SLC25A48: variants seen among roughly 807,000 people sequenced by gnomAD.
The protein encoded by SLC25A48 is solute carrier family 25 member 48, also known as CTC-321K16.1.
In SLC25A48, 29 loss-of-function variants were observed where a neutral mutation model predicts 32.2. The observed-to-expected ratio is 0.90, with a 90% CI of 0.67 to 1.23. The LOEUF (loss-of-function observed/expected upper bound fraction) is 1.23, where lower values mean the gene tolerates loss of function less well. Ranked by LOEUF, SLC25A48 falls within the 50% of genes most tolerant of loss-of-function variation. SLC25A48 has a pLI of 0.00. For synonymous variants in SLC25A48, 164 were observed against 172.3 expected, an observed-to-expected ratio of 0.95 and a Z score of 0.38; for missense variants, 399 against 422.7, an observed-to-expected ratio of 0.94 and a Z score of 0.49.
At chr5:135,787,789 G>A (rs1756886480) in intron 3 of SLC25A48, among the ~76,000 whole-genome samples, 1 of 151,434 alleles carries the variant, frequency 6.6e-6, no homozygotes, top group African/African-American at 2.4e-5. Flanking sequence ...TATCCTAGGG[G>A]GATATTACTC....
intron 3 of SLC25A48, among the ~76,000 whole-genome samples, chr5:135,706,028 C>A (rs114065100): frequency 1.3e-5 from 2 of 152,202 alleles, no homozygotes; most frequent in Admixed American, 1.3e-4. Flanking sequence ...TGTCTCTTCC[C>A]GGCTGCCCTT....
intron 3 of SLC25A48, among the ~76,000 whole-genome samples, chr5:135,797,416 T>C (rs1301142341): frequency 6.6e-6 from 1 of 151,862 alleles, no homozygotes; most frequent in Non-Finnish European, 1.5e-5. Flanking sequence ...TTTCAGGGGG[T>C]GTACACCCTT....
Position 135,852,665 on chromosome 5 carries a change from C to T in SLC25A48, c.265C>T (p.Gln89Ter). Residue 89 changes from glutamine (Q) to a stop codon, truncating the protein, a stop_gained, in exon 4 of 8, where the codon CAG becomes TAG. Coordinates refer to ENST00000681962, the MANE Select transcript of SLC25A48 (RefSeq NM_001349336.2). LOFTEE classifies it high-confidence loss of function. ...VFSNTQRFLS[Q>*]HRCGEPEASP... ...CAGTAACACGCAGCGGTTCCTCAGC[C>T]AGCACCGCTGCGGGGAGCCAGAGGC... 1 of 1,613,962 alleles carries T rather than the reference C, an allele frequency of 6.2e-7. No homozygotes were observed.
At chr5:135,855,179 T>C (rs1277489570) in intron 4 of SLC25A48, among the ~76,000 whole-genome samples, 1 of 152,200 alleles carries the variant, frequency 6.6e-6, no homozygotes, top group Non-Finnish European at 1.5e-5. Flanking sequence ...GTGAGAATTA[T>C]GAAAATGTGA....
At chr5:135,618,030 A>G (rs972018963) in intron 1 of SLC25A48, among the ~76,000 whole-genome samples, 3 of 151,246 alleles carry the variant, frequency 2.0e-5, no homozygotes, top group Non-Finnish European at 4.4e-5. Context: ...TCGCCCAAGT[A>G]TTATTGTATT....
At position 135,834,863 on chromosome 5, in the gene SLC25A48, C is replaced by G. The variant is rs757567181; in HGVS notation, c.16C>G (p.Leu6Val). The stretch of plus-strand genomic sequence containing the variant: ...AGCGCCGGCCATGGGAAGCTTCCAG[C>G]TGGAAGACTTTGCGGCGGGCTGGAT... The part of the protein sequence containing the change: MGSFQ[L>V]EDFAAGWIGG... Residue 6 changes from leucine (L) to valine (V), a missense_variant, in exon 1 of 8, where the codon CTG (leucine) becomes GTG (valine). Coordinates refer to ENST00000681962, the MANE Select transcript of SLC25A48 (RefSeq NM_001349336.2). 6 of 1,604,590 alleles carry G rather than the reference C, an allele frequency of 3.7e-6. No homozygotes were observed. In the Admixed American group the frequency reaches 8.5e-5, roughly 23 times the overall value.
chr5:135,802,975 C>G (rs537141866), intron 3 of SLC25A48: 8 of 151,270 alleles, frequency 5.3e-5, no homozygotes, highest in Admixed American at 1.3e-4. Context: ...CTTCTAATAT[C>G]ACAGTAGGGT....
intron 1 of SLC25A48, among the ~76,000 whole-genome samples, chr5:135,594,914 G>T (rs1751610245): frequency 6.6e-6 from 1 of 152,186 alleles, no homozygotes; most frequent in Non-Finnish European, 1.5e-5. Context: ...ATATTTCACA[G>T]ATAAAGAAAC....
At chr5:135,626,451 A>G (rs1392753385) in intron 1 of SLC25A48, among the ~76,000 whole-genome samples, 1 of 152,194 alleles carries the variant, frequency 6.6e-6, no homozygotes, top group Non-Finnish European at 1.5e-5. Flanking sequence ...TAGAACATTG[A>G]GCCCTCAAGC....
intron 3 of SLC25A48, among the ~76,000 whole-genome samples, chr5:135,698,757 T>G (rs1218110915): frequency 6.6e-6 from 1 of 152,110 alleles, no homozygotes; most frequent in Non-Finnish European, 1.5e-5. Flanking sequence ...AATAAAGAAA[T>G]GAATAAGTCA....
intron 3 of SLC25A48, among the ~76,000 whole-genome samples, chr5:135,716,541 T>C (rs1214562837): frequency 1.3e-5 from 2 of 152,144 alleles, no homozygotes; most frequent in Admixed American, 1.3e-4. Flanking sequence ...TCCTGCACCT[T>C]AGTGTGAATG....
chr5:135,622,798 G>A (rs1752355400), intron 1 of SLC25A48, among the ~76,000 whole-genome samples: 3 of 152,206 alleles, frequency 2.0e-5, no homozygotes, highest in Admixed American at 2.0e-4. Flanking sequence ...TAATAAAACA[G>A]ATGAGACTGG....
chr5:135,776,241 A>T (rs1010329591), intron 3 of SLC25A48, among the ~76,000 whole-genome samples: 4 of 141,854 alleles, frequency 2.8e-5, no homozygotes, highest in Non-Finnish European at 6.1e-5. Flanking sequence ...GTGTAAACCT[A>T]CCAGAGGATA....
chr5:135,742,957 TCCC>T lies in SLC25A48; in HGVS notation c.-520-69563_-520-69561del, dbSNP rs1755534704. On this transcript the variant is annotated intron_variant, in intron 3 of 10. Coordinates refer to the SLC25A48 transcript ENST00000646290. Reference sequence around the variant, plus strand: ...GGACATTTAGAAATGTCTGGAGACCTCCCCCTCCCCCTCCCCTCCCTCCCCCCC... The same window carrying T: ...GGACATTTAGAAATGTCTGGAGACCTCCTCCCCCTCCCCTCCCTCCCCCCC... Among the ~76,000 whole-genome samples the T allele has an allele frequency of 1.0e-3, 13 of 12,902 alleles. 1 individual carries two copies. Among genetic ancestry groups the T allele is most frequent in the Non-Finnish European group, 1.4e-3 (11 of 8,042 alleles). The allele number at this position is 12,902 out of a possible 152,430, so 8.5% of individuals were successfully genotyped here. A position where few individuals can be genotyped will look rare whatever the true frequency, so the allele number is the denominator to read the frequency against.
intron 4 of SLC25A48, among the ~76,000 whole-genome samples, chr5:135,819,487 G>A (rs1016235026): frequency 6.6e-6 from 1 of 152,170 alleles, no homozygotes; most frequent in Non-Finnish European, 1.5e-5. Context: ...ATTATGCTAA[G>A]AGAAATCATA....
At chr5:135,775,474 C>A (rs997114289) in intron 3 of SLC25A48, among the ~76,000 whole-genome samples, 2 of 151,412 alleles carry the variant, frequency 1.3e-5, no homozygotes, top group African/African-American at 2.4e-5. Context: ...TGTACACCCC[C>A]CTGTGCTATT....
intron 3 of SLC25A48, among the ~76,000 whole-genome samples, chr5:135,775,597 C>A (rs1756534835): frequency 6.6e-6 from 1 of 151,258 alleles, no homozygotes; most frequent in African/African-American, 2.4e-5. Flanking sequence ...TAATAGTAAT[C>A]TTAATAACGC....
In SLC25A48 at chr5:135,849,977, A is replaced by C. The variant is rs1034973935; in HGVS notation, c.91-448A>C. 4.6e-5 allele frequency among the ~76,000 whole-genome samples: 7 copies of C among 152,252 alleles called. No homozygotes were observed. The East Asian group carries it at 9.7e-4, about 21-fold the overall frequency. On this transcript the variant is annotated intron_variant, in intron 2 of 7. Coordinates refer to ENST00000681962, the MANE Select transcript of SLC25A48 (RefSeq NM_001349336.2). ...TGTGTAAAGAGAAATGGAGGAAGTG[A>C]GGGAGAAGCAGGAGACCAGGGAGGG...
At chr5:135,773,520 G>T (rs936488745) in intron 3 of SLC25A48, among the ~76,000 whole-genome samples, 3 of 151,220 alleles carry the variant, frequency 2.0e-5, no homozygotes, top group Non-Finnish European at 4.4e-5. Flanking sequence ...ATCACAGGGG[G>T]TGTACATTCC....
Sources: gnomAD v4.1 joint callset for allele counts (sites outside exome capture counted in the v4.1 genomes callset) on GRCh38, gnomAD v4.1.1 for gene constraint, MANE v1.5 for transcripts, NCBI Gene and HGNC (gene_info 2026-07-23, HGNC 2026-07-21) for gene names.